Variants in SCHIP1 observed in about 807,000 individuals in gnomAD.
The protein encoded by SCHIP1 is schwannomin interacting protein 1.
Under a neutral mutation model 29.7 loss-of-function variants are expected in SCHIP1, and 8 were observed. That is an observed-to-expected ratio of 0.27 (90% confidence interval 0.16 to 0.49). The LOEUF (loss-of-function observed/expected upper bound fraction) is 0.49, where lower values mean the gene tolerates loss of function less well. SCHIP1 is among the 20% of genes least tolerant of loss of function. The pLI, the probability that SCHIP1 is intolerant of heterozygous loss-of-function variation, is 0.99. For synonymous variants in SCHIP1, 76 were observed against 94.9 expected, an observed-to-expected ratio of 0.80 and a Z score of 1.16; for missense variants, 193 against 294.6, an observed-to-expected ratio of 0.66 and a Z score of 2.52.
chr3:159,767,874 T>C, the SCHIP1 span, among the ~76,000 whole-genome samples: 5 of 152,222 alleles, frequency 3.3e-5, no homozygotes, highest in Non-Finnish European at 5.9e-5. Context: ...TCCTCTATTT[T>C]TGGTCCCTCT....
At chr3:159,695,458 T>C in the SCHIP1 span, among the ~76,000 whole-genome samples, 1 of 152,188 alleles carries the variant, frequency 6.6e-6, no homozygotes, top group Non-Finnish European at 1.5e-5. Context: ...TTCTACCTTC[T>C]GACTCCTAGA....
At chr3:159,292,728 G>A in the SCHIP1 span, among the ~76,000 whole-genome samples, 1 of 152,096 alleles carries the variant, frequency 6.6e-6, no homozygotes. Flanking sequence ...ATATGTAATC[G>A]GTTTCCCTAC....
At chr3:159,396,802 G>C in the SCHIP1 span, among the ~76,000 whole-genome samples, 1 of 151,776 alleles carries the variant, frequency 6.6e-6, no homozygotes, top group Non-Finnish European at 1.5e-5. Flanking sequence ...ATGTGTCCTG[G>C]AGTTGCTCTT....
rs1377210893 is a variant in SCHIP1 at position 159,840,417 on chromosome 3, A to G, written c.30+203A>G. ...AAAACACTGCTTCCTTGGCCTTTAA[A>G]GCATTTGTGAAATTCACGGAGGTGA... On this transcript the variant is annotated intron_variant, in intron 1 of 6. Transcript: ENST00000445224. 2.6e-5 allele frequency among the ~76,000 whole-genome samples: 4 copies of G among 152,206 alleles called. No individual in the cohort carries two copies. In the East Asian group the frequency reaches 7.7e-4, roughly 29 times the overall value.
the SCHIP1 span, among the ~76,000 whole-genome samples, chr3:159,809,601 G>A: frequency 5.3e-5 from 8 of 151,332 alleles, 2 homozygotes; most frequent in African/African-American, 2.4e-5. Flanking sequence ...CCCACCATCA[G>A]GTAAGCCGAG....
the SCHIP1 span, among the ~76,000 whole-genome samples, chr3:159,551,376 A>G: frequency 1.3e-5 from 2 of 152,182 alleles, no homozygotes; most frequent in Non-Finnish European, 2.9e-5. Flanking sequence ...TCTCAAACAA[A>G]CTGCCTAAAA....
the SCHIP1 span, among the ~76,000 whole-genome samples, chr3:159,361,241 G>A: frequency 1.3e-5 from 2 of 152,234 alleles, no homozygotes; most frequent in African/African-American, 4.8e-5. Flanking sequence ...TGATATGGTT[G>A]CTAAATAATT....
At chr3:159,349,206 T>C in the SCHIP1 span, among the ~76,000 whole-genome samples, 1 of 152,208 alleles carries the variant, frequency 6.6e-6, no homozygotes, top group Admixed American at 6.5e-5. Context: ...CAGAAGCTCA[T>C]TGATTTTTTT....
chr3:159,658,295 A>T, the SCHIP1 span, among the ~76,000 whole-genome samples: 2 of 152,268 alleles, frequency 1.3e-5, no homozygotes, highest in South Asian at 4.1e-4. Flanking sequence ...TCACTTCCAA[A>T]TCTGAGGCTG....
chr3:159,589,247 C>T, the SCHIP1 span, among the ~76,000 whole-genome samples: 1 of 152,270 alleles, frequency 6.6e-6, no homozygotes, highest in Non-Finnish European at 1.5e-5. Flanking sequence ...CGAGTTCACT[C>T]ATGATTTGGC....
chr3:159,778,150 C>T, the SCHIP1 span, among the ~76,000 whole-genome samples: 3 of 152,082 alleles, frequency 2.0e-5, no homozygotes, highest in Non-Finnish European at 2.9e-5. Context: ...CCTGCCAGCA[C>T]GCCCAGCTAA....
the SCHIP1 span, among the ~76,000 whole-genome samples, chr3:159,587,258 T>C: frequency 6.6e-6 from 1 of 152,194 alleles, no homozygotes; most frequent in Non-Finnish European, 1.5e-5. Context: ...TTGAATTATG[T>C]ATCATCTTGA....
the SCHIP1 span, among the ~76,000 whole-genome samples, chr3:159,786,555 T>G: frequency 6.6e-6 from 1 of 152,332 alleles, no homozygotes; most frequent in South Asian, 2.1e-4. Flanking sequence ...TGAAATGTAC[T>G]GAGAAATGGA....
chr3:159,827,076 G>A, the SCHIP1 span, among the ~76,000 whole-genome samples: 15 of 152,208 alleles, frequency 9.9e-5, no homozygotes, highest in African/African-American at 2.7e-4. Context: ...GACAAAGCAA[G>A]TTAAGTAACT....
At chr3:159,817,654 C>T in the SCHIP1 span, among the ~76,000 whole-genome samples, 1 of 152,202 alleles carries the variant, frequency 6.6e-6, no homozygotes, top group East Asian at 1.9e-4. Context: ...TGGCAAAGTA[C>T]TGAGTAGATT....
At chr3:159,770,565 T>C in the SCHIP1 span, among the ~76,000 whole-genome samples, 1 of 152,280 alleles carries the variant, frequency 6.6e-6, no homozygotes, top group East Asian at 1.9e-4. Flanking sequence ...GGCCTGAATA[T>C]ACACTTTCAT....
At chr3:159,374,878 G>A in the SCHIP1 span, among the ~76,000 whole-genome samples, 1 of 152,118 alleles carries the variant, frequency 6.6e-6, no homozygotes, top group Non-Finnish European at 1.5e-5. Context: ...GTTGTAGCTG[G>A]TCAAAACTGC....
the SCHIP1 span, among the ~76,000 whole-genome samples, chr3:159,482,349 G>A: frequency 6.6e-6 from 1 of 152,062 alleles, no homozygotes; most frequent in African/African-American, 2.4e-5. Context: ...TAGAAGAGAG[G>A]GAAAATATGT....
the SCHIP1 span, among the ~76,000 whole-genome samples, chr3:159,349,299 T>C: frequency 6.6e-6 from 1 of 152,218 alleles, no homozygotes; most frequent in African/African-American, 2.4e-5. Context: ...TGAGGATAGA[T>C]ACTAGAGAGG....
Sources: gnomAD v4.1 joint callset for allele counts (sites outside exome capture counted in the v4.1 genomes callset) on GRCh38, gnomAD v4.1.1 for gene constraint, MANE v1.5 for transcripts, NCBI Gene and HGNC (gene_info 2026-07-23, HGNC 2026-07-21) for gene names.